TSHZ2: variants seen among roughly 807,000 people sequenced by gnomAD.
TSHZ2 encodes the protein teashirt homolog 2.
In TSHZ2, 21 loss-of-function variants were observed where a neutral mutation model predicts 74.4. The observed-to-expected ratio is 0.28, with a 90% CI of 0.20 to 0.41. The LOEUF is 0.41. TSHZ2 is among the 10% of genes least tolerant of loss of function. TSHZ2 has a pLI of 1.00. For synonymous variants in TSHZ2, 540 were observed against 515.3 expected (o/e 1.05, Z -0.65); for missense variants, 1,244 against 1,293.5 (o/e 0.96, Z 0.59).
At chr20:53,133,040 A>G (rs1189301214) in intron 1 of TSHZ2, among the ~76,000 whole-genome samples, 2 of 151,998 alleles carry the variant, frequency 1.3e-5, no homozygotes, top group African/African-American at 2.4e-5. Context: ...AAGCAGTAAT[A>G]TCTATGTTTT....
rs932848205 is a variant in TSHZ2 at position 53,258,360 on chromosome 20, TA to T, written c.*8+1798del. On this transcript the variant is annotated intron_variant, in intron 2 of 2. Coordinates refer to ENST00000371497, the MANE Select transcript of TSHZ2 (RefSeq NM_173485.6). ...CTTGCCATTATGTTTTCCTGGTTCT[TA>T]AAAAAAAAGAGGGGGGGCATACAGA... 7.9e-3 allele frequency among the ~76,000 whole-genome samples: 1,185 copies of T among 150,788 alleles called. 16 individuals carry two copies. The highest frequency in any genetic ancestry group is 0.027 in the African/African-American group (1,101 of 41,136).
chr20:53,116,790 GAGA>G (rs1344668460), intron 1 of TSHZ2, among the ~76,000 whole-genome samples: 1 of 152,110 alleles, frequency 6.6e-6, no homozygotes. Context: ...TTCTGCCAAC[GAGA>G]AGGTCAATGA....
intron 2 of TSHZ2, among the ~76,000 whole-genome samples, chr20:53,366,925 C>T (rs1895538285): frequency 6.6e-6 from 1 of 152,156 alleles, no homozygotes; most frequent in African/African-American, 2.4e-5. Flanking sequence ...TCTATCAGTT[C>T]AACTTTGTAA....
chr20:53,361,587 C>T (rs1000729202), intron 2 of TSHZ2, among the ~76,000 whole-genome samples: 3 of 152,228 alleles, frequency 2.0e-5, no homozygotes, highest in African/African-American at 7.2e-5. Context: ...TTCCTTCCAC[C>T]CTTTCTTTTG....
intron 1 of TSHZ2, among the ~76,000 whole-genome samples, chr20:53,033,755 G>T (rs1221819957): frequency 3.7e-5 from 5 of 136,820 alleles, no homozygotes; most frequent in African/African-American, 1.4e-4. Flanking sequence ...CACCTCCCTG[G>T]TTCGAGCAAT....
At chr20:53,330,231 A>G (rs113071450) in intron 2 of TSHZ2, among the ~76,000 whole-genome samples, 6 of 152,282 alleles carry the variant, frequency 3.9e-5, no homozygotes, top group African/African-American at 1.4e-4. Context: ...ATTCATAAGA[A>G]GTGCAAGGAA....
At chr20:53,344,214 A>C (rs7265821) in intron 2 of TSHZ2, among the ~76,000 whole-genome samples, 55 of 4,194 alleles carry the variant, frequency 0.013, no homozygotes, top group Middle Eastern at 0.1. Context: ...CCTCCTCCTC[A>C]TCATCATCAT....
chr20:53,340,335 C>T (rs562106859), intron 2 of TSHZ2, among the ~76,000 whole-genome samples: 1 of 152,026 alleles, frequency 6.6e-6, no homozygotes, highest in Admixed American at 6.5e-5. Flanking sequence ...GCGCCCGCCA[C>T]CATGCCCAGC....
At chr20:53,084,710 TCTCCTTCCCTCC>T (rs1244527456) in intron 1 of TSHZ2, among the ~76,000 whole-genome samples, 28 of 92,422 alleles carry the variant, frequency 3.0e-4, no homozygotes, top group Middle Eastern at 6.5e-3. Flanking sequence ...TCTCTCCCTC[TCTCCTTCCCTCC>T]CTCCCTTCCT....
At chr20:53,482,191 G>A (rs1986171076) in intron 2 of TSHZ2, among the ~76,000 whole-genome samples, 1 of 145,868 alleles carries the variant, frequency 6.9e-6, no homozygotes, top group Admixed American at 6.9e-5. Flanking sequence ...TAATGTCAAT[G>A]TTCAGCACTT....
chr20:53,214,198 G>C (rs1384477105), intron 1 of TSHZ2, among the ~76,000 whole-genome samples: 4 of 152,152 alleles, frequency 2.6e-5, no homozygotes, highest in Non-Finnish European at 5.9e-5. Flanking sequence ...AAGGTCTTGA[G>C]GAAATAACAA....
intron 1 of TSHZ2, among the ~76,000 whole-genome samples, chr20:53,013,954 G>A (rs1600645839): frequency 6.6e-6 from 1 of 152,328 alleles, no homozygotes; most frequent in Admixed American, 6.5e-5. Context: ...CAGCCATGGA[G>A]TTTACTTTCA....
intron 2 of TSHZ2, among the ~76,000 whole-genome samples, chr20:53,476,369 A>G (rs1033706352): frequency 4.6e-5 from 7 of 150,846 alleles, no homozygotes; most frequent in African/African-American, 1.7e-4. Context: ...GCAAATCAAT[A>G]AGTGTAATCC....
In TSHZ2 at chr20:53,373,337, G is replaced by A. The variant is rs139626486; in HGVS notation, c.*9-113807G>A. Among the ~76,000 whole-genome samples, 44 of 152,280 alleles carry A rather than the reference G, an allele frequency of 2.9e-4. No homozygotes were observed. The East Asian group carries it at 4.0e-3, about 14-fold the overall frequency. The stretch of plus-strand genomic sequence containing the variant: ...AAAATATGTTCGGAAGAATTTTTTA[G>A]TGGGCTATCTGATGCTGACCTGAGA... On this transcript the variant is annotated intron_variant, in intron 2 of 2. Coordinates refer to ENST00000371497, the MANE Select transcript of TSHZ2 (RefSeq NM_173485.6).
intron 1 of TSHZ2, among the ~76,000 whole-genome samples, chr20:53,059,055 G>A (rs766568610): frequency 2.7e-4 from 41 of 152,168 alleles, no homozygotes; most frequent in Non-Finnish European, 5.3e-4. Context: ...ACAAGGAAAT[G>A]TACTAAACAT....
chr20:53,082,000 CA>C (rs1289642997), intron 1 of TSHZ2, among the ~76,000 whole-genome samples: 1 of 151,748 alleles, frequency 6.6e-6, no homozygotes, highest in East Asian at 1.9e-4. Flanking sequence ...GAAAATAGCC[CA>C]GAGGAGATGA....
At chr20:53,137,896 G>A (rs1362311799) in intron 1 of TSHZ2, among the ~76,000 whole-genome samples, 1 of 152,040 alleles carries the variant, frequency 6.6e-6, no homozygotes, top group African/African-American at 2.4e-5. Flanking sequence ...GAATAGTTGT[G>A]GTATTTTTAG....
intron 2 of TSHZ2, among the ~76,000 whole-genome samples, chr20:53,286,269 A>C (rs1430402935): frequency 2.0e-5 from 3 of 152,248 alleles, no homozygotes; most frequent in African/African-American, 7.2e-5. Context: ...GCACTAATTA[A>C]AAGAAAATTC....
intron 2 of TSHZ2, among the ~76,000 whole-genome samples, chr20:53,425,203 T>C (rs1983613325): frequency 6.6e-6 from 1 of 152,222 alleles, no homozygotes; most frequent in African/African-American, 2.4e-5. Context: ...CTTCTCTCAC[T>C]TGGGTTCCAG....
Sources: gnomAD v4.1 joint callset for allele counts (sites outside exome capture counted in the v4.1 genomes callset) on GRCh38, gnomAD v4.1.1 for gene constraint, MANE v1.5 for transcripts, NCBI Gene and HGNC (gene_info 2026-07-23, HGNC 2026-07-21) for gene names.